Variants in IMPG1 observed in about 807,000 individuals in gnomAD.
The protein encoded by IMPG1 is interphotoreceptor matrix proteoglycan 1.
Under a neutral mutation model 92.0 loss-of-function variants are expected in IMPG1, and 85 were observed. The observed-to-expected ratio is 0.92, with a 90% confidence interval of 0.78 to 1.11. IMPG1 has a LOEUF of 1.11. Among genes scored for constraint, IMPG1 ranks in the 50% least tolerant of loss-of-function variants. The pLI is 0.00. For missense variants in IMPG1, 1,022 were observed against 956.0 expected (o/e 1.07, Z -0.91); for synonymous variants, 367 against 334.1 (o/e 1.10, Z -1.08).
intron 1 of IMPG1, among the ~76,000 whole-genome samples, chr6:76,054,479 A>C (rs1784089020): frequency 6.6e-6 from 1 of 152,214 alleles, no homozygotes; most frequent in Non-Finnish European, 1.5e-5. Flanking sequence ...ACATTTAAAA[A>C]GGTTCCCATG....
chr6:76,018,599 A>G (rs1783337818), intron 7 of IMPG1, 119 bp downstream of exon 7: 3 of 919,986 alleles, frequency 3.3e-6, no homozygotes, highest in East Asian at 2.8e-5. Context: ...TTTCTTTTAA[A>G]TGGTTAAACA....
chr6:76,018,970 G>T (rs756039384), intron 6 of IMPG1, 112 bp from the exon 7 acceptor site: 4 of 989,276 alleles, frequency 4.0e-6, no homozygotes, highest in Non-Finnish European at 5.6e-6. Context: ...GAAGGCTTAA[G>T]TGTTTTGCAA....
intron 12 of IMPG1, among the ~76,000 whole-genome samples, chr6:75,984,028 T>C (rs980540080): frequency 1.3e-5 from 2 of 152,128 alleles, no homozygotes; most frequent in African/African-American, 4.8e-5. Context: ...TATTACCTCA[T>C]ACCTCTTAGA....
In IMPG1 at chr6:75,921,636, C is replaced by A. The variant is rs377661366; in HGVS notation, c.*453G>T. ...ACAGTGCCTACACACTACATACATT[C>A]ATGCGTTTAGAGAGACCTGCATCTC... On this transcript the variant is annotated 3_prime_UTR_variant, in exon 17 of 17. Transcript: ENST00000369950. 205 of 172,188 alleles carry A rather than the reference C, an allele frequency of 1.2e-3. 3 individuals carry two copies. The highest frequency in any genetic ancestry group is 9.7e-3 in the South Asian group (66 of 6,838). 10.7% of individuals were successfully genotyped at this position (172,188 alleles called of 1,614,324 possible). A position where few individuals can be genotyped will look rare whatever the true frequency, so the allele number is the denominator to read the frequency against.
intron 1 of IMPG1, among the ~76,000 whole-genome samples, chr6:76,063,233 A>G (rs1784239293): frequency 6.6e-6 from 1 of 151,720 alleles, no homozygotes; most frequent in Non-Finnish European, 1.5e-5. Context: ...AATAAAATGA[A>G]ATAAATTAAA....
chr6:76,064,504 A>G (rs80035326), intron 1 of IMPG1, among the ~76,000 whole-genome samples: 3,885 of 152,044 alleles, frequency 0.026, 138 homozygotes, highest in African/African-American at 0.086. Flanking sequence ...TGCCTGCCCA[A>G]GCCATGGAGC....
At chr6:76,053,844 A>T (rs1054182663) in intron 1 of IMPG1, among the ~76,000 whole-genome samples, 5 of 152,106 alleles carry the variant, frequency 3.3e-5, no homozygotes, top group African/African-American at 1.2e-4. Context: ...GTATGTTGGG[A>T]ATTCTCAGTA....
At chr6:76,001,511 T>C (rs1213277788) in intron 12 of IMPG1, among the ~76,000 whole-genome samples, 1 of 152,152 alleles carries the variant, frequency 6.6e-6, no homozygotes, top group African/African-American at 2.4e-5. Context: ...TGATGCTGTT[T>C]TTAGGCCCTT....
At chr6:75,964,744 T>C (rs1782276623) in intron 12 of IMPG1, among the ~76,000 whole-genome samples, 1 of 151,430 alleles carries the variant, frequency 6.6e-6, no homozygotes, top group African/African-American at 2.4e-5. Flanking sequence ...GCATACTCAT[T>C]ACCCCTAATA....
chr6:76,020,779 A>G (rs1243346818), intron 6 of IMPG1, among the ~76,000 whole-genome samples: 1 of 152,200 alleles, frequency 6.6e-6, no homozygotes, highest in Non-Finnish European at 1.5e-5. Flanking sequence ...GTCATGCCCT[A>G]CAAACCATAA....
intron 5 of IMPG1, chr6:76,024,782 A>AGT (rs1347895461): frequency 7.5e-5 from 23 of 306,330 alleles, no homozygotes; most frequent in South Asian, 6.5e-4. Context: ...TATGGATGCA[A>AGT]CAGAATGTTG....
chr6:75,999,058 T>C (rs1375097295), intron 12 of IMPG1, among the ~76,000 whole-genome samples: 2 of 152,142 alleles, frequency 1.3e-5, no homozygotes, highest in Non-Finnish European at 2.9e-5. Context: ...GGTTTCACCA[T>C]GTTGGCCAGG....
At chr6:75,964,708 A>AT (rs1237731890) in intron 12 of IMPG1, among the ~76,000 whole-genome samples, 1 of 151,452 alleles carries the variant, frequency 6.6e-6, no homozygotes, top group Non-Finnish European at 1.5e-5. Context: ...AGAGAGAAAA[A>AT]TGAAAAAATA....
chr6:75,925,669 A>ATTTGTTTGTTTG (rs10639432), intron 15 of IMPG1, among the ~76,000 whole-genome samples: 1 of 150,740 alleles, frequency 6.6e-6, no homozygotes, highest in Admixed American at 6.6e-5. Context: ...TGTGTTTTTT[A>ATTTGTTTGTTTG]TTTGTTTGTT....
chr6:76,069,730 C>T (rs898669441), intron 1 of IMPG1, among the ~76,000 whole-genome samples: 4 of 107,680 alleles, frequency 3.7e-5, no homozygotes, highest in African/African-American at 1.1e-4. Flanking sequence ...ACCTAGGTGC[C>T]CATCATTGGT....
Position 76,072,446 on chromosome 6 carries a change from A to G in IMPG1, c.43T>C (p.Phe15Leu), listed in dbSNP as rs1213897302. 1 of 1,597,470 alleles carries G rather than the reference A, an allele frequency of 6.3e-7. No individual in the cohort carries two copies. The highest frequency in any genetic ancestry group is 1.1e-5 in the South Asian group (1 of 89,556). Reference protein sequence around the residue: ...TRRAIFVFWIFLQVQGTKDIS... With the variant: ...TRRAIFVFWILLQVQGTKDIS... ...CCTTTGGTTCCTTGAACTTGGAGAAAAATCCAAAAAACAAAAATAGCTCTT... is the reference window on the plus strand; with the variant it reads ...CCTTTGGTTCCTTGAACTTGGAGAAGAATCCAAAAAACAAAAATAGCTCTT... Residue 15 changes from phenylalanine (F) to leucine (L), a missense_variant, in exon 1 of 17, where the codon TTT (phenylalanine) becomes CTT (leucine). By Grantham distance (22) the Phe-to-Leu change is conservative. Around this residue, in one of 3 missense-constraint regions of IMPG1, gnomAD observed 681 missense variants for 583.6 expected, o/e 1.17. Coordinates refer to ENST00000369950, the MANE Select transcript of IMPG1 (RefSeq NM_001563.4).
intron 1 of IMPG1, among the ~76,000 whole-genome samples, chr6:76,047,746 A>C (rs1256943322): frequency 6.6e-6 from 1 of 152,176 alleles, no homozygotes; most frequent in Non-Finnish European, 1.5e-5. Context: ...TATATGAATT[A>C]GATTTGTTTT....
chr6:76,049,328 C>T (rs931107119), intron 1 of IMPG1, among the ~76,000 whole-genome samples: 11 of 152,230 alleles, frequency 7.2e-5, no homozygotes, highest in Admixed American at 2.0e-4. Flanking sequence ...TGCAAATTTA[C>T]CCCTGGACCT....
intron 1 of IMPG1, among the ~76,000 whole-genome samples, chr6:76,058,246 C>T (rs575869043): frequency 6.6e-6 from 1 of 152,100 alleles, no homozygotes; most frequent in Admixed American, 6.6e-5. Flanking sequence ...TCATTTTACT[C>T]TCTCTGAAAC....
Sources: gnomAD v4.1 joint callset for allele counts (sites outside exome capture counted in the v4.1 genomes callset) on GRCh38, gnomAD v4.1.1 for gene constraint, gnomAD v4.1.1 regional missense constraint, MANE v1.5 for transcripts, NCBI Gene and HGNC (gene_info 2026-07-23, HGNC 2026-07-21) for gene names.